The following SLC9A5 variants were observed in gnomAD, a reference collection of about 807,000 sequenced individuals.
SLC9A5 encodes the protein sodium/hydrogen exchanger 5.
In SLC9A5, 52 loss-of-function variants were observed where a neutral mutation model predicts 91.7. That is an observed-to-expected ratio of 0.57 (90% CI 0.45 to 0.71). SLC9A5 has a LOEUF of 0.71. SLC9A5 is among the 30% of genes least tolerant of loss of function. The pLI, the probability that SLC9A5 is intolerant of heterozygous loss-of-function variation, is 0.00. For missense variants in SLC9A5, 871 were observed against 1,158.9 expected, an observed-to-expected ratio of 0.75 and a Z score of 3.61; for synonymous variants, 419 against 474.5, an observed-to-expected ratio of 0.88 and a Z score of 1.52.
intron 15 of SLC9A5, among the ~76,000 whole-genome samples, chr16:67,266,538 A>AAATTT (rs1252513702): frequency 2.6e-5 from 4 of 151,860 alleles, no homozygotes; most frequent in Non-Finnish European, 4.4e-5. Flanking sequence ...TTTAATTTTT[A>AAATTT]AATTTATTTT....
rs2035937571 is a variant in SLC9A5, at chr16:67,271,921, G to A, written c.*711G>A. The A allele has an allele frequency of 6.6e-6, 1 of 152,378 alleles. No homozygotes were observed. The highest frequency in any genetic ancestry group is 2.4e-5 in the African/African-American group (1 of 41,470). 9.4% of individuals were successfully genotyped at this position (152,378 alleles called of 1,614,324 possible). ...AACTGGGGTCACCCTGGGATCTGCTGCTCTGGGTCTAAGTCTAGACCTTTC... is the reference window on the plus strand; with the variant it reads ...AACTGGGGTCACCCTGGGATCTGCTACTCTGGGTCTAAGTCTAGACCTTTC... On this transcript the variant is annotated 3_prime_UTR_variant, in exon 16 of 16. Coordinates refer to ENST00000299798, the MANE Select transcript of SLC9A5 (RefSeq NM_004594.3).
intron 2 of SLC9A5, among the ~76,000 whole-genome samples, chr16:67,254,002 G>T (rs559976725): frequency 6.6e-6 from 1 of 152,198 alleles, no homozygotes; most frequent in African/African-American, 2.4e-5. Context: ...CCCTATTGAG[G>T]TAGTGAACTA....
Position 67,270,911 on chromosome 16 carries a change from C to T in SLC9A5, c.2392C>T (p.Leu798=). ...GGGTTGGAACCAGAGCATCTCATCC[C>T]TGGAGAGCCTAGCGTCCCCTCCCTG... The part of the protein sequence containing the change: ...QTGWNQSISS[L]ESLASPPCNQ... The change falls in exon 16 of 16, where the codon CTG becomes TTG. Residue 798 remains leucine (L), a synonymous_variant. Coordinates refer to ENST00000299798, the MANE Select transcript of SLC9A5 (RefSeq NM_004594.3). The surrounding 1 kb of genome is among the most constrained non-coding windows in gnomAD (Gnocchi z 4.3). The T allele has an allele frequency of 2.5e-6, 4 of 1,614,134 alleles. No individual in the cohort carries two copies. The highest frequency in any genetic ancestry group is 3.4e-6 in the Non-Finnish European group (4 of 1,180,012).
At chr16:67,249,772 A>G (rs1485843386) in intron 1 of SLC9A5, among the ~76,000 whole-genome samples, 1 of 152,152 alleles carries the variant, frequency 6.6e-6, no homozygotes, top group Non-Finnish European at 1.5e-5. Flanking sequence ...ACCCACGTTC[A>G]GGTCCACATT....
intron 12 of SLC9A5, chr16:67,263,547 G>T (rs969526867): frequency 6.6e-6 from 1 of 152,504 alleles, no homozygotes; most frequent in African/African-American, 2.4e-5. Flanking sequence ...GACTTTGGGA[G>T]GCCAAGGCAG....
intron 15 of SLC9A5, among the ~76,000 whole-genome samples, chr16:67,268,658 T>TTATATATATATATATATATA (rs60054219): frequency 4.7e-5 from 2 of 42,326 alleles, no homozygotes; most frequent in Non-Finnish European, 4.2e-5. Flanking sequence ...ATTTCCCTGA[T>TTATATATATATATATATATA]TATATATATA....
Position 67,255,093 on chromosome 16 carries a change from C to T in SLC9A5, c.563C>T (p.Ala188Val), listed in dbSNP as rs1377159140. The T allele has an allele frequency of 1.9e-6, 3 of 1,614,040 alleles. No homozygotes were observed. The highest frequency in any genetic ancestry group is 2.5e-6 in the Non-Finnish European group (3 of 1,179,976). The change falls in exon 3 of 16, where the codon GCC becomes GTC. Residue 188 changes from alanine to valine, a missense_variant. Coordinates refer to ENST00000299798, the MANE Select transcript of SLC9A5 (RefSeq NM_004594.3). This position sits in a 1 kb window ranked among gnomAD's most constrained non-coding sequence, Gnocchi z 4.9. ...CTCATCTCGGCGGTGGACCCCGTGG[C>T]CGTGCTAGCTGTCTTTGAGGAGGTG... ...GSLISAVDPV[A>V]VLAVFEEVHV...
rs947360399 is a variant in SLC9A5 at position 67,258,361 on chromosome 16, C to A, written c.1540C>A (p.Arg514=). The A allele has an allele frequency of 6.2e-7, 1 of 1,613,984 alleles. No individual in the cohort carries two copies. The highest frequency in any genetic ancestry group is 8.5e-7 in the Non-Finnish European group (1 of 1,179,912). The change falls in exon 10 of 16, where the codon CGA becomes AGA. Residue 514 remains arginine, a synonymous_variant. Coordinates refer to ENST00000299798, the MANE Select transcript of SLC9A5 (RefSeq NM_004594.3). The surrounding 1 kb of genome is among the most constrained non-coding windows in gnomAD (Gnocchi z 4.5). The stretch of plus-strand genomic sequence containing the variant: ...GAAATACCTGAGTCAGCTGCTGATG[C>A]GACGATCAGCCTACCGCATCCGGGA... ...DKKYLSQLLM[R]RSAYRIRDQI...
In SLC9A5 at chr16:67,271,468, TC is replaced by T; in HGVS notation, c.*259del. ...CTGGCTCAGGACCCAGTCCAGGCCT[TC>T]TACGGGCTAGGCCCAGAGACTTGGG... On this transcript the variant is annotated 3_prime_UTR_variant, in exon 16 of 16. Coordinates refer to ENST00000299798, the MANE Select transcript of SLC9A5 (RefSeq NM_004594.3). The T allele has an allele frequency of 1.9e-6, 1 of 524,732 alleles. No individual in the cohort carries two copies. Among genetic ancestry groups the T allele is most frequent in the Non-Finnish European group, 3.4e-6 (1 of 291,346 alleles). 32.5% of individuals were successfully genotyped at this position (524,732 alleles called of 1,614,324 possible).
In SLC9A5 at chr16:67,259,681, C is replaced by T; in HGVS notation, c.1715+20C>T. 6.2e-7 allele frequency: 1 copy of T among 1,610,634 alleles called. No homozygotes were observed. Among genetic ancestry groups the T allele is most frequent in the South Asian group, 1.1e-5 (1 of 91,030 alleles). ...CCTGCTGTGAGTCCTTGAGCCCCTT[C>T]CCCTTCCTCATACTCCTCTCCATTG... is the stretch of plus-strand genomic sequence containing the variant. On this transcript the variant is annotated intron_variant, in intron 11 of 15. Transcript: ENST00000299798.
At chr16:67,269,135 C>T (rs1415352614) in intron 15 of SLC9A5, among the ~76,000 whole-genome samples, 2 of 152,058 alleles carry the variant, frequency 1.3e-5, no homozygotes, top group Admixed American at 6.6e-5. Flanking sequence ...TTCCTTTAAA[C>T]CAGTAAATCC....
At position 67,266,187 on chromosome 16, in the gene SLC9A5, G is replaced by A. The variant is rs769869221; in HGVS notation, c.2180G>A (p.Arg727His). ...EDDEGIIFVA[R>H]ATSEVLQEGK... ...GATGAGGGGATCATCTTTGTGGCTCGTGCCACCAGTGAGGTTCTCCAAGAG... is the reference window on the plus strand; with the variant it reads ...GATGAGGGGATCATCTTTGTGGCTCATGCCACCAGTGAGGTTCTCCAAGAG... The change falls in exon 15 of 16, where the codon CGT becomes CAT. Residue 727 changes from arginine to histidine, a missense_variant. Around this residue, in one of 3 missense-constraint regions of SLC9A5, gnomAD observed 295 missense variants for 326.0 expected, o/e 0.90. Transcript: ENST00000299798. 8 of 1,591,046 alleles carry A rather than the reference G, an allele frequency of 5.0e-6. No individual in the cohort carries two copies. The Admixed American group carries it at 5.4e-5, about 11-fold the overall frequency.
At chr16:67,264,589 A>G in intron 13 of SLC9A5, 67 bp downstream of exon 13, 7 of 1,539,248 alleles carry the variant, frequency 4.5e-6, no homozygotes, top group Non-Finnish European at 6.3e-6. Flanking sequence ...TGAGCCCCCT[A>G]GTGTTAGGAT....
chr16:67,266,335 C>A, intron 15 of SLC9A5, 110 bp downstream of exon 15: 1 of 1,108,646 alleles, frequency 9.0e-7, no homozygotes. Flanking sequence ...CTAGTTTATT[C>A]ATCAGCCAGC....
intron 15 of SLC9A5, among the ~76,000 whole-genome samples, chr16:67,266,497 A>C (rs1191646083): frequency 2.6e-5 from 4 of 152,188 alleles, no homozygotes; most frequent in African/African-American, 9.6e-5. Context: ...AACCTGACTC[A>C]TCTGACTCCC....
chr16:67,266,113 TGAG>T lies in SLC9A5; in HGVS notation c.2122_2124del (p.Glu708del), dbSNP rs770521682. The T allele has an allele frequency of 1.5e-3, 2,249 of 1,549,326 alleles. No homozygotes were observed. Among genetic ancestry groups the T allele is most frequent in the Admixed American group, 5.5e-3 (310 of 56,614 alleles). On this transcript the variant is annotated inframe_deletion, in exon 15 of 16. Coordinates refer to ENST00000299798, the MANE Select transcript of SLC9A5 (RefSeq NM_004594.3). ...CTGCTGTGATATTAACCGTGGAGTC[TGAG>T]GAGGAGGAGGAGGAGAGCGACAGTT...
At position 67,257,988 on chromosome 16, in the gene SLC9A5, A is replaced by T. The variant is rs769408203; in HGVS notation, c.1497-330A>T. Among the ~76,000 whole-genome samples, 1 of 152,182 alleles carries T rather than the reference A, an allele frequency of 6.6e-6. No homozygotes were observed. The highest frequency in any genetic ancestry group is 1.5e-5 in the Non-Finnish European group (1 of 68,030). ...CTTACTCAGCTTCGATTCATCCTTC[A>T]CAACTCACCATAGGCTTCAATTCCT... On this transcript the variant is annotated intron_variant, in intron 9 of 15. Coordinates refer to ENST00000299798, the MANE Select transcript of SLC9A5 (RefSeq NM_004594.3). This position sits in a 1 kb window ranked among gnomAD's most constrained non-coding sequence, Gnocchi z 5.1.
chr16:67,258,299 G>C lies in SLC9A5; in HGVS notation c.1497-19G>C. On this transcript the variant is annotated intron_variant, in intron 9 of 15. Coordinates refer to ENST00000299798, the MANE Select transcript of SLC9A5 (RefSeq NM_004594.3). This position sits in a 1 kb window ranked among gnomAD's most constrained non-coding sequence, Gnocchi z 4.5. The stretch of plus-strand genomic sequence containing the variant: ...GCCTTGGGAATGGGACTCAGGGCCG[G>C]GCCTGGCATCCTCTGTAGGTGGGAG... 1 of 1,613,084 alleles carries C rather than the reference G, an allele frequency of 6.2e-7. No homozygotes were observed. The highest frequency in any genetic ancestry group is 2.2e-5 in the East Asian group (1 of 44,878).
chr16:67,264,335 G>A lies in SLC9A5; in HGVS notation c.1843-17G>A, dbSNP rs745561221. 1.2e-5 allele frequency: 20 copies of A among 1,612,210 alleles called. No individual in the cohort carries two copies. The highest frequency in any genetic ancestry group is 1.7e-5 in the Non-Finnish European group (20 of 1,178,948). On this transcript the variant is annotated splice_polypyrimidine_tract_variant and intron_variant, in intron 12 of 15. Coordinates refer to ENST00000299798, the MANE Select transcript of SLC9A5 (RefSeq NM_004594.3). ...AAGGCATCCATCCTCATAGCCAGGC[G>A]GGGCTGTCATTGCCAGTACAAAGCC...
Sources: gnomAD v4.1 joint callset for allele counts (sites outside exome capture counted in the v4.1 genomes callset) on GRCh38, gnomAD v4.1.1 for gene constraint, gnomAD v4.1.1 regional missense constraint, Gnocchi (gnomAD v3.1) non-coding constraint, MANE v1.5 for transcripts, NCBI Gene and HGNC (gene_info 2026-07-23, HGNC 2026-07-21) for gene names.